The following TRIM2 variants were observed in gnomAD, a reference collection of about 807,000 sequenced individuals.
TRIM2 encodes the protein tripartite motif containing 2.
In TRIM2, 20 loss-of-function variants were observed where a neutral mutation model predicts 75.2. That is an observed-to-expected ratio of 0.27 (90% CI 0.19 to 0.39). The LOEUF (loss-of-function observed/expected upper bound fraction) is 0.39, where lower values mean the gene tolerates loss of function less well. Among genes scored for constraint, TRIM2 ranks in the 10% least tolerant of loss-of-function variants. TRIM2 has a pLI of 1.00. For missense variants in TRIM2, 660 were observed against 990.8 expected, an observed-to-expected ratio of 0.67 and a Z score of 4.48; for synonymous variants, 373 against 388.3, an observed-to-expected ratio of 0.96 and a Z score of 0.46.
At chr4:153,181,169 T>G (rs1018838962) in intron 1 of TRIM2, among the ~76,000 whole-genome samples, 4 of 152,244 alleles carry the variant, frequency 2.6e-5, no homozygotes, top group Non-Finnish European at 5.9e-5. Context: ...CTCTTTGATG[T>G]GGATACCATT....
chr4:153,153,435 G>A (rs894083559), intron 1 of TRIM2, among the ~76,000 whole-genome samples: 1 of 152,078 alleles, frequency 6.6e-6, no homozygotes, highest in South Asian at 2.1e-4. Flanking sequence ...TGGAGGTGGT[G>A]CGCGCTGGCG....
rs146180156 is a variant in TRIM2, at chr4:153,225,372, T to C, written c.30+20812T>C. On this transcript the variant is annotated intron_variant, in intron 1 of 11. Coordinates refer to ENST00000338700, the MANE Select transcript of TRIM2 (RefSeq NM_015271.5). ...CAGGAACAATGATGGTTTTCCTTTT[T>C]GGTTTCTTGAGAAAAGACTTCCTGC... Among the ~76,000 whole-genome samples, 716 of 152,346 alleles carry C rather than the reference T, an allele frequency of 4.7e-3. 6 individuals carry two copies. Among genetic ancestry groups the C allele is most frequent in the East Asian group, 0.027 (142 of 5,192 alleles).
intron 2 of TRIM2, among the ~76,000 whole-genome samples, chr4:153,275,416 A>C (rs1420864705): frequency 1.3e-5 from 2 of 152,230 alleles, no homozygotes; most frequent in East Asian, 3.8e-4. Flanking sequence ...ACGTAAGAAG[A>C]ATTTTATTGC....
intron 8 of TRIM2, among the ~76,000 whole-genome samples, chr4:153,319,468 T>C (rs911207170): frequency 3.3e-5 from 5 of 151,980 alleles, no homozygotes; most frequent in Non-Finnish European, 7.4e-5. Flanking sequence ...GTGGCTCACA[T>C]CTGTAATCCC....
rs1750034247 is a variant in TRIM2, at chr4:153,248,908, T to TA, written c.31-21426dup. ...TCAAAGCATGGAAACCCAAGCATGTTACTCGGAGAAAGTCCCACCCCCAGC... is the reference window on the plus strand; with the variant it reads ...TCAAAGCATGGAAACCCAAGCATGTTAACTCGGAGAAAGTCCCACCCCCAGC... On this transcript the variant is annotated intron_variant, in intron 1 of 11. Coordinates refer to ENST00000338700, the MANE Select transcript of TRIM2 (RefSeq NM_015271.5). The surrounding 1 kb of genome is among the most constrained non-coding windows in gnomAD (Gnocchi z 4.0). 6.6e-6 allele frequency among the ~76,000 whole-genome samples: 1 copy of TA among 152,228 alleles called. No individual in the cohort carries two copies. Among genetic ancestry groups the TA allele is most frequent in the South Asian group, 2.1e-4 (1 of 4,836 alleles).
chr4:153,302,606 A>G (rs539222029), intron 6 of TRIM2, among the ~76,000 whole-genome samples: 1 of 152,346 alleles, frequency 6.6e-6, no homozygotes, highest in East Asian at 1.9e-4. Context: ...AGGAGAAGAC[A>G]TGATTGTTAT....
rs560472891 is a variant in TRIM2, at chr4:153,159,335, A to G, written c.-49+6065A>G. Among the ~76,000 whole-genome samples, 7 of 91,242 alleles carry G rather than the reference A, an allele frequency of 7.7e-5. No homozygotes were observed. In the East Asian group the frequency reaches 2.2e-3, roughly 29 times the overall value. The allele number at this position is 91,242 out of a possible 152,430, so 59.9% of individuals were successfully genotyped here. ...TTTTTTTTTGTAGAGACAGTATCTT[A>G]CTCTGTTGTTGAGGCTGGAGTGCAG... is the stretch of plus-strand genomic sequence containing the variant. On this transcript the variant is annotated intron_variant, in intron 1 of 11. Coordinates refer to the TRIM2 transcript ENST00000437508.
At chr4:153,202,012 A>G (rs575918846), upstream of TRIM2, among the ~76,000 whole-genome samples, 21 of 152,336 alleles carry the variant, frequency 1.4e-4, no homozygotes, top group Non-Finnish European at 2.9e-4. Flanking sequence ...AGAAGGATAC[A>G]AGGGCCAGAA....
intron 2 of TRIM2, among the ~76,000 whole-genome samples, chr4:153,275,094 G>A (rs1273240757): frequency 6.6e-6 from 1 of 152,180 alleles, no homozygotes; most frequent in African/African-American, 2.4e-5. Context: ...TTTGTACTTT[G>A]TACTCTGCTC....
rs1745312259 is a variant in TRIM2, at chr4:153,237,394, C to A, written c.30+32834C>A. Among the ~76,000 whole-genome samples, 2 of 150,396 alleles carry A rather than the reference C, an allele frequency of 1.3e-5. 1 individual carries two copies. The highest frequency in any genetic ancestry group is 3.0e-5 in the Non-Finnish European group (2 of 67,644). On this transcript the variant is annotated intron_variant, in intron 1 of 11. Transcript: ENST00000338700. ...GAGTGTGCATACTAATAAAAAGAGT[C>A]AAGAGGCCAGGAGCAGTGGCTCATG...
At chr4:153,172,141 A>ATTT (rs11418854) in intron 1 of TRIM2, among the ~76,000 whole-genome samples, 14 of 149,016 alleles carry the variant, frequency 9.4e-5, no homozygotes, top group Non-Finnish European at 1.8e-4. Context: ...TATGATAGTA[A>ATTT]TTTTTTTTTT....
At chr4:153,224,375 A>G (rs1244616946) in intron 1 of TRIM2, among the ~76,000 whole-genome samples, 2 of 152,164 alleles carry the variant, frequency 1.3e-5, no homozygotes, top group Non-Finnish European at 2.9e-5. Flanking sequence ...AGGGCCATCT[A>G]CACTAATGAA....
intron 8 of TRIM2, among the ~76,000 whole-genome samples, chr4:153,321,199 G>C (rs1324098656): frequency 2.0e-5 from 3 of 152,194 alleles, no homozygotes; most frequent in Admixed American, 2.0e-4. Context: ...AGATACAGTA[G>C]ACATGTTTGT....
At chr4:153,260,700 C>CCCACACACA (rs1560902966) in intron 1 of TRIM2, among the ~76,000 whole-genome samples, 1 of 67,918 alleles carries the variant, frequency 1.5e-5, no homozygotes, top group South Asian at 8.8e-4. Context: ...ACCCCCCCCC[C>CCCACACACA]CACACACACA....
chr4:153,324,144 T>G lies in TRIM2; in HGVS notation c.2018T>G (p.Val673Gly). Residue 673 changes from valine (V) to glycine (G), a missense_variant, in exon 10 of 12, where the codon GTC (valine) becomes GGC (glycine). Physicochemically the swap from Val to Gly is moderately radical, Grantham distance 109. Around this residue, in one of 2 missense-constraint regions of TRIM2, gnomAD observed 620 missense variants for 891.0 expected, o/e 0.70. Transcript: ENST00000338700. ...IIITDFHNHS[V>G]KVFNQEGEFM... ...ATTACAGATTTCCATAATCATTCTGTCAAGGTACTACAAGCACATGAGTTG... is the reference window on the plus strand; with the variant it reads ...ATTACAGATTTCCATAATCATTCTGGCAAGGTACTACAAGCACATGAGTTG... The G allele has an allele frequency of 6.2e-7, 1 of 1,611,494 alleles. No homozygotes were observed. Among genetic ancestry groups the G allele is most frequent in the Non-Finnish European group, 8.5e-7 (1 of 1,179,146 alleles).
At chr4:153,308,282 C>T (rs1352275535) in intron 6 of TRIM2, 7 of 1,547,768 alleles carry the variant, frequency 4.5e-6, no homozygotes, top group South Asian at 1.1e-5. Flanking sequence ...CAGATGTGTC[C>T]GAAATAATGT....
intron 1 of TRIM2, among the ~76,000 whole-genome samples, chr4:153,224,066 C>T (rs1169266045): frequency 2.0e-5 from 3 of 152,052 alleles, no homozygotes; most frequent in East Asian, 3.9e-4. Context: ...GTGCTGGGTC[C>T]ACTGCTTCCC....
chr4:153,329,966 A>G (rs944231182), intron 11 of TRIM2, among the ~76,000 whole-genome samples: 3 of 152,212 alleles, frequency 2.0e-5, no homozygotes. Context: ...GACAAAGGAA[A>G]TAAGAGAAAA....
chr4:153,189,602 G>A (rs1471996856), intron 1 of TRIM2, among the ~76,000 whole-genome samples: 3 of 152,126 alleles, frequency 2.0e-5, no homozygotes, highest in Admixed American at 6.5e-5. Flanking sequence ...ACGCCAGCTC[G>A]ACTGAGGGAG....
Sources: gnomAD v4.1 joint callset for allele counts (sites outside exome capture counted in the v4.1 genomes callset) on GRCh38, gnomAD v4.1.1 for gene constraint, gnomAD v4.1.1 regional missense constraint, Gnocchi (gnomAD v3.1) non-coding constraint, MANE v1.5 for transcripts, NCBI Gene and HGNC (gene_info 2026-07-23, HGNC 2026-07-21) for gene names.